CRACDL: variants seen among roughly 807,000 people sequenced by gnomAD.
CRACDL encodes the protein CRACD-like protein.
CRACDL carries 26 observed loss-of-function variants against 70.6 expected under a neutral mutation model. That is an observed-to-expected ratio of 0.37 (90% CI 0.27 to 0.51). CRACDL has a LOEUF of 0.51. CRACDL is among the 20% of genes least tolerant of loss of function. The probability of loss-of-function intolerance (pLI) is 0.94; values close to 1 mark genes in which losing one functional copy is unlikely to be tolerated. For synonymous variants in CRACDL, 618 were observed against 615.2 expected (o/e 1.00, Z -0.07); for missense variants, 1,283 against 1,376.9 (o/e 0.93, Z 1.08).
At chr2:98,870,023 C>T (rs1283426761) in intron 1 of CRACDL, among the ~76,000 whole-genome samples, 1 of 152,170 alleles carries the variant, frequency 6.6e-6, no homozygotes, top group Non-Finnish European at 1.5e-5. Context: ...AGCCACCCCA[C>T]GTGACACAGC....
At chr2:98,846,864 A>G (rs911500088) in intron 1 of CRACDL, 54 bp from the exon 2 acceptor site, 12 of 1,409,410 alleles carry the variant, frequency 8.5e-6, no homozygotes, top group South Asian at 3.5e-5. Flanking sequence ...GAAGTTACCA[A>G]TGAGTGAAAT....
At chr2:98,846,916 C>A in intron 1 of CRACDL, 106 bp from the exon 2 acceptor site, 1 of 906,408 alleles carries the variant, frequency 1.1e-6, no homozygotes, top group Non-Finnish European at 1.8e-6. Flanking sequence ...CCTGCACACA[C>A]CCCAGCAAAG....
At chr2:98,933,947 A>T (rs898617423) in intron 1 of CRACDL, among the ~76,000 whole-genome samples, 1 of 152,160 alleles carries the variant, frequency 6.6e-6, no homozygotes, top group African/African-American at 2.4e-5. Flanking sequence ...CCCATTCCTC[A>T]TAGAAGGCGC....
At chr2:98,899,751 CT>C (rs1401499714) in intron 1 of CRACDL, among the ~76,000 whole-genome samples, 1 of 151,930 alleles carries the variant, frequency 6.6e-6, no homozygotes, top group African/African-American at 2.4e-5. Context: ...GAAGTCTTAG[CT>C]CAGTGGGGAA....
chr2:98,851,005 A>T (rs1263044262), intron 1 of CRACDL, among the ~76,000 whole-genome samples: 1 of 152,252 alleles, frequency 6.6e-6, no homozygotes, highest in Non-Finnish European at 1.5e-5. Context: ...AAAGAAAAAT[A>T]TCTGTACCCT....
At chr2:98,801,902 G>T (rs1220735859) in intron 7 of CRACDL, among the ~76,000 whole-genome samples, 1 of 152,224 alleles carries the variant, frequency 6.6e-6, no homozygotes, top group African/African-American at 2.4e-5. Context: ...TGGAGGAGGG[G>T]TGGAGAATTT....
At chr2:98,877,794 G>T (rs1231778148) in intron 1 of CRACDL, among the ~76,000 whole-genome samples, 1 of 151,722 alleles carries the variant, frequency 6.6e-6, no homozygotes, top group South Asian at 2.1e-4. Context: ...GTATATCCTC[G>T]GTTCATAGTG....
intron 7 of CRACDL, among the ~76,000 whole-genome samples, chr2:98,821,521 C>CTGGGCCACACTGGAAGAATTGCCT (rs1705026005): frequency 6.6e-6 from 1 of 152,268 alleles, no homozygotes; most frequent in South Asian, 2.1e-4. Flanking sequence ...TTTGGCTTCC[C>CTGGGCCACACTGGAAGAATTGCCT]TGGGCCACAC....
At chr2:98,922,396 C>A (rs1381383177) in intron 1 of CRACDL, among the ~76,000 whole-genome samples, 1 of 149,270 alleles carries the variant, frequency 6.7e-6, no homozygotes, top group Non-Finnish European at 1.5e-5. Flanking sequence ...TCCGAGATCC[C>A]GCTACTGCAC....
intron 7 of CRACDL, among the ~76,000 whole-genome samples, chr2:98,815,542 C>T (rs1348608771): frequency 6.6e-6 from 1 of 152,188 alleles, no homozygotes; most frequent in African/African-American, 2.4e-5. Flanking sequence ...GCCTGCAGGA[C>T]CCCCAACCAC....
chr2:98,892,714 T>G (rs568509902), intron 1 of CRACDL, among the ~76,000 whole-genome samples: 1 of 151,906 alleles, frequency 6.6e-6, no homozygotes, highest in Non-Finnish European at 1.5e-5. Context: ...TAAAATAAAA[T>G]TTTTTTAAAA....
chr2:98,815,726 A>T (rs1215945087), intron 7 of CRACDL, among the ~76,000 whole-genome samples: 1 of 152,294 alleles, frequency 6.6e-6, no homozygotes, highest in East Asian at 1.9e-4. Flanking sequence ...CAGGGCTGGA[A>T]GGGCTAAAGG....
chr2:98,800,952 C>T (rs182052666), intron 7 of CRACDL, among the ~76,000 whole-genome samples: 30 of 152,226 alleles, frequency 2.0e-4, no homozygotes, highest in Admixed American at 7.2e-4. Flanking sequence ...GTGTTTTAAG[C>T]GTGTGTCTGT....
chr2:98,801,340 T>C (rs1380550733), intron 7 of CRACDL, among the ~76,000 whole-genome samples: 1 of 152,194 alleles, frequency 6.6e-6, no homozygotes, highest in Admixed American at 6.5e-5. Context: ...CACAGATGCC[T>C]GAGATTCCAC....
intron 7 of CRACDL, among the ~76,000 whole-genome samples, chr2:98,819,442 C>T (rs1170559243): frequency 6.6e-6 from 1 of 152,232 alleles, no homozygotes; most frequent in East Asian, 1.9e-4. Context: ...CTTCAATAAC[C>T]TCAATGGAAA....
intron 3 of CRACDL, among the ~76,000 whole-genome samples, chr2:98,837,647 A>G (rs1441557081): frequency 1.3e-5 from 2 of 152,100 alleles, no homozygotes; most frequent in Non-Finnish European, 2.9e-5. Flanking sequence ...TCTTTATGAT[A>G]TTTTTGGATG....
At chr2:98,836,324 G>A (rs2104510295) in intron 3 of CRACDL, among the ~76,000 whole-genome samples, 1 of 152,134 alleles carries the variant, frequency 6.6e-6, no homozygotes, top group East Asian at 1.9e-4. Flanking sequence ...CTCTCCCACA[G>A]GCCAAGCAGT....
intron 1 of CRACDL, among the ~76,000 whole-genome samples, chr2:98,879,296 C>T (rs1293390634): frequency 6.6e-6 from 1 of 152,206 alleles, no homozygotes; most frequent in Non-Finnish European, 1.5e-5. Context: ...TTATTAAGGT[C>T]TTTCACTGTG....
intron 1 of CRACDL, among the ~76,000 whole-genome samples, chr2:98,916,195 A>G (rs1304379092): frequency 6.6e-6 from 1 of 152,248 alleles, no homozygotes; most frequent in African/African-American, 2.4e-5. Context: ...CCACTGACAC[A>G]CACAACTACA....
Sources: gnomAD v4.1 joint callset for allele counts (sites outside exome capture counted in the v4.1 genomes callset) on GRCh38, gnomAD v4.1.1 for gene constraint, MANE v1.5 for transcripts, NCBI Gene and HGNC (gene_info 2026-07-23, HGNC 2026-07-21) for gene names.